Variants in CPED1 observed in about 807,000 individuals in gnomAD.
CPED1 encodes the protein cadherin like and PC-esterase domain containing 1.
In CPED1, 114 loss-of-function variants were observed where a neutral mutation model predicts 128.2. The ratio of observed to expected loss-of-function variants is 0.89; its 90% CI spans 0.76 to 1.04. The LOEUF (loss-of-function observed/expected upper bound fraction) is 1.04, where lower values mean the gene tolerates loss of function less well. CPED1 is among the 50% of genes least tolerant of loss of function. The pLI, the probability that CPED1 is intolerant of heterozygous loss-of-function variation, is 0.00. For missense variants in CPED1, 1,211 were observed against 1,207.1 expected, an observed-to-expected ratio of 1.00 and a Z score of -0.05; for synonymous variants, 462 against 426.7, an observed-to-expected ratio of 1.08 and a Z score of -1.02.
intron 2 of CPED1, among the ~76,000 whole-genome samples, chr7:121,002,139 A>G (rs1791879501): frequency 6.6e-6 from 1 of 152,174 alleles, no homozygotes; most frequent in Non-Finnish European, 1.5e-5. Context: ...TGCTGCTACA[A>G]TTGAGTTTCC....
chr7:121,185,673 CG>C (rs1446398472), intron 16 of CPED1, among the ~76,000 whole-genome samples: 1 of 152,144 alleles, frequency 6.6e-6, no homozygotes, highest in Non-Finnish European at 1.5e-5. Flanking sequence ...CACTATAATT[CG>C]GGAATGCAAA....
chr7:121,033,570 G>A (rs1792797485), intron 3 of CPED1, among the ~76,000 whole-genome samples: 1 of 152,268 alleles, frequency 6.6e-6, no homozygotes, highest in South Asian at 2.1e-4. Flanking sequence ...TGGGAGGTCT[G>A]AGTTTTATGC....
intron 17 of CPED1, 74 bp from the exon 18 acceptor site, chr7:121,244,128 A>G (rs1345954148): frequency 1.9e-6 from 3 of 1,549,288 alleles, no homozygotes; most frequent in East Asian, 4.5e-5. Flanking sequence ...GGTGTGCCAT[A>G]GCTGAATTTT....
chr7:121,076,184 G>A (rs1053679248), intron 5 of CPED1, among the ~76,000 whole-genome samples: 9 of 152,088 alleles, frequency 5.9e-5, no homozygotes, highest in African/African-American at 2.2e-4. Context: ...GCAATGCCTG[G>A]ACTGATTTCT....
Position 121,211,600 on chromosome 7 carries a change from T to TGCAGA in CPED1, c.2056-25114_2056-25113insGCAGA, listed in dbSNP as rs1205510859. Among the ~76,000 whole-genome samples, 29 of 152,248 alleles carry TGCAGA rather than the reference T, an allele frequency of 1.9e-4. No individual in the cohort carries two copies. The South Asian group carries it at 5.2e-3, about 27-fold the overall frequency. On this transcript the variant is annotated intron_variant, in intron 16 of 22. Transcript: ENST00000310396. ...ATATTCTGGAGATCAGCTTGAACTA[T>TGCAGA]CACAGGGCTGTGGATTGTTGAGAAT... is the stretch of plus-strand genomic sequence containing the variant.
At chr7:121,177,765 C>T (rs1211210564) in intron 16 of CPED1, among the ~76,000 whole-genome samples, 1 of 152,036 alleles carries the variant, frequency 6.6e-6, no homozygotes, top group Non-Finnish European at 1.5e-5. Flanking sequence ...TTGTAATAAG[C>T]TATGCTTCTT....
At chr7:121,189,211 C>T (rs1328435794) in intron 16 of CPED1, among the ~76,000 whole-genome samples, 1 of 152,078 alleles carries the variant, frequency 6.6e-6, no homozygotes, top group African/African-American at 2.4e-5. Flanking sequence ...ATGAAAAAGT[C>T]CTGTAAAATC....
intron 18 of CPED1, among the ~76,000 whole-genome samples, chr7:121,258,962 T>C (rs1304321413): frequency 2.0e-5 from 3 of 152,086 alleles, no homozygotes; most frequent in South Asian, 2.1e-4. Flanking sequence ...CTCTGAAGAA[T>C]TGAATTAAAA....
At chr7:121,235,935 C>T (rs1011272111) in intron 16 of CPED1, among the ~76,000 whole-genome samples, 4 of 152,066 alleles carry the variant, frequency 2.6e-5, no homozygotes, top group South Asian at 2.1e-4. Flanking sequence ...GCTTTTAACA[C>T]GCCCTAAATT....
chr7:121,066,590 C>T (rs530278427), intron 5 of CPED1, among the ~76,000 whole-genome samples: 114 of 112,800 alleles, frequency 1.0e-3, no homozygotes, highest in African/African-American at 3.0e-3. Flanking sequence ...TTTTATCTTT[C>T]GGTCAAAAAC....
intron 3 of CPED1, among the ~76,000 whole-genome samples, chr7:121,044,966 G>A (rs1246707319): frequency 1.3e-5 from 2 of 152,022 alleles, no homozygotes; most frequent in Non-Finnish European, 2.9e-5. Flanking sequence ...TATGACAGGA[G>A]GTTTCTTCTA....
At chr7:121,140,242 A>G (rs879870333) in intron 14 of CPED1, among the ~76,000 whole-genome samples, 1 of 151,960 alleles carries the variant, frequency 6.6e-6, no homozygotes, top group Non-Finnish European at 1.5e-5. Flanking sequence ...TCCTTCTTAT[A>G]CTTTATGGTA....
intron 16 of CPED1, among the ~76,000 whole-genome samples, chr7:121,202,228 G>T (rs1052943062): frequency 1.3e-5 from 2 of 152,126 alleles, no homozygotes; most frequent in Non-Finnish European, 2.9e-5. Flanking sequence ...GAAGATCAAA[G>T]AACTCTGCTG....
chr7:120,993,850 A>G (rs1796348225), intron 2 of CPED1: 2 of 187,074 alleles, frequency 1.1e-5, no homozygotes, highest in South Asian at 6.4e-5. Flanking sequence ...TTATCACCTG[A>G]TCTCCTCTCC....
rs1585019927 is a variant in CPED1 at position 121,017,036 on chromosome 7, A to T, written c.433+1188A>T. Among the ~76,000 whole-genome samples the T allele has an allele frequency of 2.0e-5, 3 of 152,294 alleles. No homozygotes were observed. In the South Asian group the frequency reaches 6.2e-4, roughly 32 times the overall value. ...AAGATGTTTCTGAGAAGGTTGGGGG[A>T]CTATTTAGCCATGGCTATCCTTTAT... On this transcript the variant is annotated intron_variant, in intron 3 of 22. Transcript: ENST00000310396.
intron 16 of CPED1, among the ~76,000 whole-genome samples, chr7:121,211,043 A>G (rs542826166): frequency 5.9e-5 from 9 of 152,180 alleles, no homozygotes; most frequent in Admixed American, 2.6e-4. Context: ...GCTAACTTCC[A>G]AAAAAACTGT....
At chr7:121,271,607 T>C (rs1792231581) in intron 22 of CPED1, among the ~76,000 whole-genome samples, 177 bp downstream of exon 22, 1 of 152,174 alleles carries the variant, frequency 6.6e-6, no homozygotes. Context: ...CAACTTTAGC[T>C]CTACCAAATG....
At chr7:121,215,575 T>C (rs1297029738) in intron 16 of CPED1, among the ~76,000 whole-genome samples, 1 of 152,106 alleles carries the variant, frequency 6.6e-6, no homozygotes, top group African/African-American at 2.4e-5. Flanking sequence ...ACTTTGGTTG[T>C]TGATGTAGCA....
intron 7 of CPED1, among the ~76,000 whole-genome samples, chr7:121,108,417 T>C (rs1051085429): frequency 3.3e-5 from 5 of 152,090 alleles, no homozygotes; most frequent in Admixed American, 3.3e-4. Context: ...AAATTTAATA[T>C]GCAGTGCTAT....
Sources: gnomAD v4.1 joint callset for allele counts (sites outside exome capture counted in the v4.1 genomes callset) on GRCh38, gnomAD v4.1.1 for gene constraint, MANE v1.5 for transcripts, NCBI Gene and HGNC (gene_info 2026-07-23, HGNC 2026-07-21) for gene names.